The following ZYG11B variants were observed in gnomAD, a reference collection of about 807,000 sequenced individuals.
ZYG11B encodes protein zyg-11 homolog B.
A neutral mutation model predicts 82.4 loss-of-function variants in ZYG11B; 36 were observed. The observed-to-expected ratio is 0.44, with a 90% CI of 0.33 to 0.58. The LOEUF (loss-of-function observed/expected upper bound fraction) is 0.58. ZYG11B is among the 20% of genes least tolerant of loss of function. The pLI is 0.02. For missense variants in ZYG11B, 552 were observed against 895.6 expected (o/e 0.62, Z 4.90); for synonymous variants, 303 against 312.8 (o/e 0.97, Z 0.33).
intron 1 of ZYG11B, among the ~76,000 whole-genome samples, chr1:52,737,616 A>T (rs1289189829): frequency 5.3e-5 from 8 of 152,104 alleles, no homozygotes; most frequent in Admixed American, 1.3e-4. Context: ...AAATACAAAA[A>T]TCAGCTGTGC....
chr1:52,807,069 A>G (rs572421676), intron 10 of ZYG11B, among the ~76,000 whole-genome samples: 64 of 151,960 alleles, frequency 4.2e-4, no homozygotes, highest in African/African-American at 1.4e-3. Flanking sequence ...GGGTTTTGCC[A>G]TGTTGGCCAG....
chr1:52,789,164 T>C (rs1010694109), intron 5 of ZYG11B, among the ~76,000 whole-genome samples: 1 of 152,240 alleles, frequency 6.6e-6, no homozygotes, highest in Non-Finnish European at 1.5e-5. Context: ...TCTTCTATTA[T>C]GTAATCTTTC....
At chr1:52,797,409 TATCATATATTATAC>T (rs1645031747) in intron 8 of ZYG11B, among the ~76,000 whole-genome samples, 3 of 99,054 alleles carry the variant, frequency 3.0e-5, no homozygotes, top group South Asian at 5.8e-4. Context: ...ATGAAATATA[TATCATATATTATAC>T]ATATTATATA....
chr1:52,770,688 A>G (rs1370517140), intron 2 of ZYG11B, among the ~76,000 whole-genome samples: 2 of 152,204 alleles, frequency 1.3e-5, no homozygotes, highest in Non-Finnish European at 2.9e-5. Context: ...TGCATTGGCC[A>G]GAACTAGGCA....
In ZYG11B at chr1:52,818,830, G is replaced by C. The variant is rs533474031; in HGVS notation, c.2044+2201G>C. ...TTTTTTGGAGACGGAGTCTCACTCT[G>C]TTGCCCAGGCTGGAGTGCAGTGACA... is the stretch of plus-strand genomic sequence containing the variant. On this transcript the variant is annotated intron_variant, in intron 13 of 13. Coordinates refer to ENST00000294353, the MANE Select transcript of ZYG11B (RefSeq NM_024646.3). Among the ~76,000 whole-genome samples the C allele has an allele frequency of 5.1e-3, 726 of 141,592 alleles. 2 individuals are homozygous for C. The highest frequency in any genetic ancestry group is 7.7e-3 in the Non-Finnish European group (509 of 66,058). The allele number at this position is 141,592 out of a possible 152,430, so 92.9% of individuals were successfully genotyped here.
intron 8 of ZYG11B, among the ~76,000 whole-genome samples, chr1:52,797,006 AT>A: frequency 1.1e-5 from 1 of 92,216 alleles, no homozygotes; most frequent in Non-Finnish European, 1.8e-5. Context: ...TAAATATATT[AT>A]ATATTTATAT....
At chr1:52,783,185 C>G (rs905042611) in intron 4 of ZYG11B, among the ~76,000 whole-genome samples, 2 of 152,090 alleles carry the variant, frequency 1.3e-5, no homozygotes, top group African/African-American at 4.8e-5. Context: ...CCTCGGCCTC[C>G]CAAAGTGCTG....
chr1:52,746,687 GTTTTTTTTTT>G (rs11446988), intron 1 of ZYG11B, among the ~76,000 whole-genome samples: 1,744 of 33,564 alleles, frequency 0.052, 56 homozygotes, highest in Non-Finnish European at 0.065. Context: ...ATCGGCCACT[GTTTTTTTTTT>G]TTTTTTTTTT....
chr1:52,778,136 C>T (rs1045025419), intron 3 of ZYG11B, among the ~76,000 whole-genome samples: 1 of 152,192 alleles, frequency 6.6e-6, no homozygotes, highest in East Asian at 1.9e-4. Context: ...TATTTAGGCA[C>T]CTGTATAATC....
chr1:52,797,238 A>T (rs1359287510), intron 8 of ZYG11B, among the ~76,000 whole-genome samples: 3 of 82,928 alleles, frequency 3.6e-5, no homozygotes, highest in Non-Finnish European at 6.2e-5. Context: ...ATATAATATA[A>T]ATTTGTATAT....
Position 52,770,534 on chromosome 1 carries a change from C to T in ZYG11B, c.197-486C>T, listed in dbSNP as rs532584636. Among the ~76,000 whole-genome samples, 195 of 152,212 alleles carry T rather than the reference C, an allele frequency of 1.3e-3. 1 individual carries two copies. Among genetic ancestry groups the T allele is most frequent in the Non-Finnish European group, 2.3e-3 (156 of 67,958 alleles). On this transcript the variant is annotated intron_variant, in intron 2 of 13. Coordinates refer to ENST00000294353, the MANE Select transcript of ZYG11B (RefSeq NM_024646.3). Reference sequence around the variant, plus strand: ...TGCAAGTCCATAGAGGATTCTGCTTCATGGTCACCCTAGGGTCCAAACTGA... The same window carrying T: ...TGCAAGTCCATAGAGGATTCTGCTTTATGGTCACCCTAGGGTCCAAACTGA...
chr1:52,759,184 G>A (rs1281164739), intron 2 of ZYG11B, among the ~76,000 whole-genome samples: 6 of 152,102 alleles, frequency 3.9e-5, no homozygotes, highest in African/African-American at 1.4e-4. Flanking sequence ...CACCTGCCTC[G>A]GCCTCCCAAA....
chr1:52,741,504 C>A (rs1361609684), intron 1 of ZYG11B, among the ~76,000 whole-genome samples: 1 of 152,064 alleles, frequency 6.6e-6, no homozygotes, highest in Non-Finnish European at 1.5e-5. Context: ...CTTAATATTT[C>A]TCTCTGGATA....
intron 10 of ZYG11B, among the ~76,000 whole-genome samples, chr1:52,803,720 G>A (rs1203189853): frequency 6.6e-6 from 1 of 152,066 alleles, no homozygotes; most frequent in East Asian, 1.9e-4. Context: ...TCTCACCTTA[G>A]CCTCCAGAGT....
chr1:52,783,882 A>ATGTACATAGACGTGTGTGTG (rs74208826), intron 4 of ZYG11B, among the ~76,000 whole-genome samples: 1 of 126,012 alleles, frequency 7.9e-6, no homozygotes, highest in Non-Finnish European at 1.6e-5. Flanking sequence ...ACGTGTGTGT[A>ATGTACATAGACGTGTGTGTG]TATGTACATA....
At chr1:52,803,255 T>C (rs12143382) in intron 10 of ZYG11B, among the ~76,000 whole-genome samples, 3 of 82,988 alleles carry the variant, frequency 3.6e-5, no homozygotes, top group Admixed American at 1.5e-4. Context: ...CACACATATA[T>C]ATATATATAT....
intron 1 of ZYG11B, among the ~76,000 whole-genome samples, chr1:52,745,575 TTTTG>T (rs553309352): frequency 4.6e-5 from 7 of 152,190 alleles, no homozygotes; most frequent in Non-Finnish European, 8.8e-5. Flanking sequence ...TTTTCTTTGT[TTTTG>T]TTTGTTATGG....
At chr1:52,755,964 T>G (rs1323054336) in intron 1 of ZYG11B, among the ~76,000 whole-genome samples, 1 of 152,060 alleles carries the variant, frequency 6.6e-6, no homozygotes, top group African/African-American at 2.4e-5. Flanking sequence ...CATGCCTAGC[T>G]AATTTTTGTA....
At position 52,824,935 on chromosome 1, in the gene ZYG11B, A is replaced by G. The variant is rs1252691033; in HGVS notation, c.*3306A>G. ...TGGCTAGAGGTGCTGTTTCAAGCACAATTTAGACTAGGGTTGAACCACTCA... is the reference window on the plus strand; with the variant it reads ...TGGCTAGAGGTGCTGTTTCAAGCACGATTTAGACTAGGGTTGAACCACTCA... On this transcript the variant is annotated 3_prime_UTR_variant, in exon 14 of 14. Coordinates refer to ENST00000294353, the MANE Select transcript of ZYG11B (RefSeq NM_024646.3). The G allele has an allele frequency of 6.6e-6, 1 of 152,086 alleles. No individual in the cohort carries two copies. The allele number at this position is 152,086 out of a possible 1,614,324, so 9.4% of individuals were successfully genotyped here.
Sources: gnomAD v4.1 joint callset for allele counts (sites outside exome capture counted in the v4.1 genomes callset) on GRCh38, gnomAD v4.1.1 for gene constraint, MANE v1.5 for transcripts, NCBI Gene and HGNC (gene_info 2026-07-23, HGNC 2026-07-21) for gene names.